Variants in LRRC72 observed in about 807,000 individuals in gnomAD.
The protein encoded by LRRC72 is leucine rich repeat containing 72.
LRRC72 carries 41 observed loss-of-function variants against 35.8 expected under a neutral mutation model. The observed-to-expected ratio is 1.15, with a 90% confidence interval of 0.89 to 1.49. The LOEUF (loss-of-function observed/expected upper bound fraction) is 1.49. LRRC72 is among the 40% of genes most tolerant of loss of function. LRRC72 has a pLI of 0.00. For synonymous variants in LRRC72, 118 were observed against 119.2 expected (o/e 0.99, Z 0.07); for missense variants, 389 against 330.7 (o/e 1.18, Z -1.37).
intron 3 of LRRC72, among the ~76,000 whole-genome samples, chr7:16,548,137 G>C (rs1275120169): frequency 1.3e-5 from 2 of 152,352 alleles, no homozygotes; most frequent in African/African-American, 4.8e-5. Flanking sequence ...CTGGACACTT[G>C]TTGGGGCACC....
intron 5 of LRRC72, among the ~76,000 whole-genome samples, chr7:16,559,692 C>T (rs1262555435): frequency 4.0e-5 from 6 of 151,142 alleles, no homozygotes; most frequent in East Asian, 3.9e-4. Context: ...GTGTTGCCAA[C>T]GGCCAAGGAA....
At position 16,548,833 on chromosome 7, in the gene LRRC72, A is replaced by C. The variant is rs193087963; in HGVS notation, c.235-8527A>C. Among the ~76,000 whole-genome samples the C allele has an allele frequency of 1.5e-3, 223 of 152,324 alleles. 1 individual carries two copies. The highest frequency in any genetic ancestry group is 5.1e-3 in the African/African-American group (214 of 41,582). Reference sequence around the variant, plus strand: ...TTCCAGCTGGTGAAGCAATACCCCAAAGATCCCGCAACACGATCTCCAAGC... The same window carrying C: ...TTCCAGCTGGTGAAGCAATACCCCACAGATCCCGCAACACGATCTCCAAGC... On this transcript the variant is annotated intron_variant, in intron 3 of 8. Transcript: ENST00000401542.
chr7:16,567,561 A>AC lies in LRRC72; in HGVS notation c.670+18_670+19insC. Reference sequence around the variant, plus strand: ...ACCTTCAGGTATTTCGTAAAAAAAAAAAAAAAAACAAATTTAATGAAATTA... The same window carrying AC: ...ACCTTCAGGTATTTCGTAAAAAAAAACAAAAAAAACAAATTTAATGAAATTA... On this transcript the variant is annotated intron_variant, in intron 7 of 8. Transcript: ENST00000401542. The AC allele has an allele frequency of 7.1e-7, 1 of 1,418,176 alleles. No homozygotes were observed. Among genetic ancestry groups the AC allele is most frequent in the Non-Finnish European group, 9.3e-7 (1 of 1,079,584 alleles). 87.8% of individuals were successfully genotyped at this position (1,418,176 alleles called of 1,614,324 possible).
chr7:16,546,982 A>G (rs1400310633), intron 3 of LRRC72, among the ~76,000 whole-genome samples: 1 of 152,130 alleles, frequency 6.6e-6, no homozygotes, highest in Non-Finnish European at 1.5e-5. Context: ...CAGCAGGAGC[A>G]GCTCTGGGAG....
chr7:16,570,385 CAA>C (rs1190109005), intron 7 of LRRC72, among the ~76,000 whole-genome samples: 1 of 152,162 alleles, frequency 6.6e-6, no homozygotes, highest in Non-Finnish European at 1.5e-5. Flanking sequence ...TTGATTCTGA[CAA>C]GAGTGATTTC....
chr7:16,578,569 A>C (rs936675824), intron 7 of LRRC72, among the ~76,000 whole-genome samples: 4 of 152,340 alleles, frequency 2.6e-5, no homozygotes, highest in Admixed American at 1.3e-4. Context: ...ACAAAATTAG[A>C]ATTTTGTCAA....
chr7:16,547,311 G>C (rs955748658), intron 3 of LRRC72, among the ~76,000 whole-genome samples: 3 of 152,136 alleles, frequency 2.0e-5, no homozygotes, highest in Non-Finnish European at 2.9e-5. Flanking sequence ...GGCACGGAGT[G>C]GGGGGCAGAG....
chr7:16,560,189 G>C (rs1049002893), intron 5 of LRRC72, among the ~76,000 whole-genome samples: 1 of 152,098 alleles, frequency 6.6e-6, no homozygotes, highest in Non-Finnish European at 1.5e-5. Flanking sequence ...ATAATGTAAC[G>C]CAATAGATAT....
At chr7:16,544,210 T>C (rs568038886) in intron 3 of LRRC72, among the ~76,000 whole-genome samples, 6 of 152,192 alleles carry the variant, frequency 3.9e-5, no homozygotes, top group Non-Finnish European at 4.4e-5. Flanking sequence ...GCTGGAAGGG[T>C]GCATATTTCT....
chr7:16,549,921 T>A (rs1382940244), intron 3 of LRRC72, among the ~76,000 whole-genome samples: 1 of 152,220 alleles, frequency 6.6e-6, no homozygotes, highest in Admixed American at 6.5e-5. Flanking sequence ...AGGATAGTTA[T>A]TAAATTAACA....
chr7:16,529,142 A>G (rs1250718425), intron 1 of LRRC72, among the ~76,000 whole-genome samples: 29 of 152,226 alleles, frequency 1.9e-4, no homozygotes, highest in Non-Finnish European at 4.4e-5. Context: ...CAAAGTTGAC[A>G]TAAATAATAT....
rs569775771 is a variant in LRRC72 at position 16,548,985 on chromosome 7, C to T, written c.235-8375C>T. On this transcript the variant is annotated intron_variant, in intron 3 of 8. Coordinates refer to ENST00000401542, the MANE Select transcript of LRRC72 (RefSeq NM_001195280.2). ...AGAATTTTGTCTATTTTCTTCATGGCTGTTCCCCTCGAACTTAGCACGGAG... is the reference window on the plus strand; with the variant it reads ...AGAATTTTGTCTATTTTCTTCATGGTTGTTCCCCTCGAACTTAGCACGGAG... 3.3e-5 allele frequency among the ~76,000 whole-genome samples: 5 copies of T among 152,320 alleles called. No homozygotes were observed. The South Asian group carries it at 6.2e-4, about 19-fold the overall frequency.
At chr7:16,575,795 G>T (rs1462290618) in intron 7 of LRRC72, among the ~76,000 whole-genome samples, 1 of 152,144 alleles carries the variant, frequency 6.6e-6, no homozygotes, top group Admixed American at 6.6e-5. Flanking sequence ...TCTTTAGATA[G>T]AAAATCTCCC....
At chr7:16,527,690 T>G (rs1321391780) in intron 1 of LRRC72, among the ~76,000 whole-genome samples, 3 of 152,182 alleles carry the variant, frequency 2.0e-5, no homozygotes, top group Admixed American at 2.0e-4. Flanking sequence ...CTGACTCATC[T>G]GCAAAGATGG....
chr7:16,571,309 C>T (rs895083545), intron 7 of LRRC72, among the ~76,000 whole-genome samples: 2 of 152,122 alleles, frequency 1.3e-5, no homozygotes, highest in Non-Finnish European at 2.9e-5. Context: ...CCTCCTTATA[C>T]CCCCCTCCCT....
intron 3 of LRRC72, among the ~76,000 whole-genome samples, chr7:16,545,557 T>C (rs991492758): frequency 2.0e-5 from 3 of 152,166 alleles, no homozygotes; most frequent in Non-Finnish European, 2.9e-5. Flanking sequence ...TCCAAAAAAC[T>C]ATTTAGAGCA....
chr7:16,551,544 G>A (rs1782548811), intron 3 of LRRC72, among the ~76,000 whole-genome samples: 1 of 152,114 alleles, frequency 6.6e-6, no homozygotes, highest in African/African-American at 2.4e-5. Flanking sequence ...GGGCCTGAAG[G>A]TTAAATTGAT....
At chr7:16,559,579 C>T in intron 5 of LRRC72, among the ~76,000 whole-genome samples, 1 of 151,832 alleles carries the variant, frequency 6.6e-6, no homozygotes, top group Non-Finnish European at 1.5e-5. Context: ...GGTTTTATCT[C>T]AAAAGTAAGT....
At chr7:16,560,789 T>C (rs1022731573) in intron 5 of LRRC72, among the ~76,000 whole-genome samples, 15 of 152,152 alleles carry the variant, frequency 9.9e-5, no homozygotes, top group Non-Finnish European at 4.4e-5. Flanking sequence ...TTGTGGATTA[T>C]GTAAATCAGA....
Sources: gnomAD v4.1 joint callset for allele counts (sites outside exome capture counted in the v4.1 genomes callset) on GRCh38, gnomAD v4.1.1 for gene constraint, MANE v1.5 for transcripts, NCBI Gene and HGNC (gene_info 2026-07-23, HGNC 2026-07-21) for gene names.